Variants in DPP6 observed in about 807,000 individuals in gnomAD.
DPP6 encodes the protein A-type potassium channel modulatory protein DPP6.
A neutral mutation model predicts 122.6 loss-of-function variants in DPP6; 69 were observed. The ratio of observed to expected loss-of-function variants is 0.56; its 90% confidence interval spans 0.46 to 0.69. The LOEUF (loss-of-function observed/expected upper bound fraction) is 0.69. Among genes scored for constraint, DPP6 ranks in the 30% least tolerant of loss-of-function variants. The pLI, the probability that DPP6 is intolerant of heterozygous loss-of-function variation, is 0.00. For missense variants in DPP6, 928 were observed against 1,116.9 expected (o/e 0.83, Z 2.41); for synonymous variants, 418 against 433.1 (o/e 0.97, Z 0.43).
chr7:154,079,326 GT>G (rs1803817823), intron 1 of DPP6, among the ~76,000 whole-genome samples: 1 of 147,318 alleles, frequency 6.8e-6, no homozygotes, highest in African/African-American at 2.5e-5. Flanking sequence ...CCTGTTACCT[GT>G]TCAGCAGAGA....
chr7:153,980,331 A>G (rs967738309), intron 1 of DPP6, among the ~76,000 whole-genome samples: 23 of 152,168 alleles, frequency 1.5e-4, no homozygotes, highest in African/African-American at 4.8e-4. Context: ...GTTTATTTGC[A>G]TAGAGGTGTT....
chr7:154,329,495 C>T (rs1389042250), intron 1 of DPP6, among the ~76,000 whole-genome samples: 1 of 152,286 alleles, frequency 6.6e-6, no homozygotes, highest in South Asian at 2.1e-4. Context: ...TACTATCTCA[C>T]GCCAGTTAGA....
chr7:154,371,346 T>C (rs1812638060), intron 1 of DPP6, among the ~76,000 whole-genome samples: 2 of 111,040 alleles, frequency 1.8e-5, no homozygotes. Flanking sequence ...GCCACTGCAC[T>C]CCAGCCTGGG....
At chr7:154,248,022 TCAG>T (rs1802101863) in intron 1 of DPP6, among the ~76,000 whole-genome samples, 1 of 152,144 alleles carries the variant, frequency 6.6e-6, no homozygotes, top group Non-Finnish European at 1.5e-5. Flanking sequence ...GACCAGGGTG[TCAG>T]CATGGTTGGG....
the DPP6 span, among the ~76,000 whole-genome samples, chr7:153,760,721 T>G: frequency 4.6e-5 from 7 of 152,134 alleles, no homozygotes; most frequent in African/African-American, 1.7e-4. Flanking sequence ...TGTCCATGAA[T>G]CATGAGATTG....
At chr7:154,489,345 C>A (rs1283726467) in intron 3 of DPP6, among the ~76,000 whole-genome samples, 2 of 152,162 alleles carry the variant, frequency 1.3e-5, no homozygotes, top group Non-Finnish European at 2.9e-5. Flanking sequence ...GGGCTGACAC[C>A]CATATCCTAT....
chr7:154,112,724 ACTTTCTTTT>A (rs1806682737), intron 1 of DPP6, among the ~76,000 whole-genome samples: 1 of 152,054 alleles, frequency 6.6e-6, no homozygotes, highest in South Asian at 2.1e-4. Context: ...ATAACTACAA[ACTTTCTTTT>A]CTTTCTTTTT....
chr7:153,758,043 T>C, the DPP6 span, among the ~76,000 whole-genome samples: 1 of 152,176 alleles, frequency 6.6e-6, no homozygotes, highest in Non-Finnish European at 1.5e-5. Flanking sequence ...TCAAAAACTA[T>C]CCCATAGTAA....
chr7:154,001,350 G>A (rs1445863335), intron 1 of DPP6, among the ~76,000 whole-genome samples: 3 of 146,824 alleles, frequency 2.0e-5, no homozygotes, highest in Non-Finnish European at 4.5e-5. Flanking sequence ...ATGTACTTAT[G>A]TATGTAAACC....
chr7:154,201,911 G>C (rs1379433058), intron 1 of DPP6, among the ~76,000 whole-genome samples: 2 of 151,996 alleles, frequency 1.3e-5, no homozygotes, highest in African/African-American at 4.8e-5. Context: ...AATTTTTTTT[G>C]TTAAATCATT....
intron 8 of DPP6, among the ~76,000 whole-genome samples, chr7:154,737,950 G>T (rs1842644594): frequency 6.6e-6 from 1 of 152,094 alleles, no homozygotes; most frequent in African/African-American, 2.4e-5. Flanking sequence ...CTTTCTCAAA[G>T]AATTATTGCA....
rs2151260915 is a variant in DPP6, at chr7:154,433,172, G to A, written c.244-13042G>A. Among the ~76,000 whole-genome samples, 2 of 103,240 alleles carry A rather than the reference G, an allele frequency of 1.9e-5. 1 individual carries two copies. The highest frequency in any genetic ancestry group is 6.3e-4 in the South Asian group (2 of 3,194). The allele number at this position is 103,240 out of a possible 152,430, so 67.7% of individuals were successfully genotyped here. ...TTTTTTTTTTTTTTTTTGAGACAGA[G>A]TCTCACTCTGTTGCCCAGGCTGGAG... On this transcript the variant is annotated intron_variant, in intron 1 of 25. Transcript: ENST00000377770.
intron 1 of DPP6, among the ~76,000 whole-genome samples, chr7:153,987,362 G>T (rs1307280399): frequency 1.3e-5 from 2 of 152,210 alleles, no homozygotes; most frequent in Non-Finnish European, 2.9e-5. Flanking sequence ...CTCCCCTTGT[G>T]AACTGAACAG....
intron 7 of DPP6, among the ~76,000 whole-genome samples, chr7:154,683,233 T>C (rs1438874642): frequency 1.3e-5 from 2 of 152,190 alleles, no homozygotes; most frequent in East Asian, 3.9e-4. Flanking sequence ...GTGTGCCGTC[T>C]GACCTCCAGC....
At chr7:154,643,614 A>G (rs1316474342) in intron 6 of DPP6, among the ~76,000 whole-genome samples, 3 of 151,964 alleles carry the variant, frequency 2.0e-5, no homozygotes, top group East Asian at 3.9e-4. Flanking sequence ...GACTACAGGC[A>G]CCCACCACCA....
intron 1 of DPP6, among the ~76,000 whole-genome samples, chr7:153,933,347 A>G (rs1049945961): frequency 1.3e-5 from 2 of 152,176 alleles, no homozygotes; most frequent in African/African-American, 4.8e-5. Context: ...ATAGGGAAAC[A>G]TTGTACAGGC....
At chr7:154,134,915 T>C (rs1275326654) in intron 1 of DPP6, among the ~76,000 whole-genome samples, 1 of 152,224 alleles carries the variant, frequency 6.6e-6, no homozygotes, top group African/African-American at 2.4e-5. Flanking sequence ...TTACACTTCC[T>C]GTGAGCTCTC....
rs1843602838 is a variant in DPP6, at chr7:154,755,166, A to C, written c.884-14251A>C. Among the ~76,000 whole-genome samples the C allele has an allele frequency of 6.6e-6, 1 of 151,430 alleles. No individual in the cohort carries two copies. The highest frequency in any genetic ancestry group is 1.5e-5 in the Non-Finnish European group (1 of 67,898). ...AATAAATTAAAAAAAAAAAAAAAAG[A>C]AACTGAACACATGTCAGGAGCTGAA... On this transcript the variant is annotated intron_variant, in intron 8 of 25. Transcript: ENST00000377770. The surrounding 1 kb of genome is among the most constrained non-coding windows in gnomAD (Gnocchi z 4.7).
Position 154,875,083 on chromosome 7 carries a change from G to A in DPP6, c.1884-823G>A, listed in dbSNP as rs1207617463. On this transcript the variant is annotated intron_variant, in intron 19 of 25. Coordinates refer to ENST00000377770, the MANE Select transcript of DPP6 (RefSeq NM_130797.4). This position sits in a 1 kb window ranked among gnomAD's most constrained non-coding sequence, Gnocchi z 4.5. ...CCACTGCACTCCAGCCTGGCCGACA[G>A]AGTGAGACCCTGTCTCAAACAAAAG... Among the ~76,000 whole-genome samples the A allele has an allele frequency of 3.3e-5, 5 of 149,812 alleles. No homozygotes were observed. The highest frequency in any genetic ancestry group is 1.2e-4 in the African/African-American group (5 of 40,574).
Sources: gnomAD v4.1 joint callset for allele counts (sites outside exome capture counted in the v4.1 genomes callset) on GRCh38, gnomAD v4.1.1 for gene constraint, Gnocchi (gnomAD v3.1) non-coding constraint, MANE v1.5 for transcripts, NCBI Gene and HGNC (gene_info 2026-07-23, HGNC 2026-07-21) for gene names.